Variants in BMP2K observed in about 807,000 individuals in gnomAD.
The protein encoded by BMP2K is BMP2 inducible kinase, also known as BMP-2-inducible protein kinase.
BMP2K carries 74 observed loss-of-function variants against 116.0 expected under a neutral mutation model. The observed-to-expected ratio is 0.64, with a 90% CI of 0.53 to 0.77. The LOEUF is 0.77. Ranked by LOEUF, BMP2K falls within the 30% of genes least tolerant of loss-of-function variation. The pLI is 0.00. For synonymous variants in BMP2K, 486 were observed against 502.5 expected (o/e 0.97, Z 0.44); for missense variants, 1,365 against 1,403.6 (o/e 0.97, Z 0.44).
chr4:78,906,388 A>G (rs1016226543), intron 15 of BMP2K, among the ~76,000 whole-genome samples: 3 of 152,152 alleles, frequency 2.0e-5, no homozygotes, highest in Admixed American at 1.3e-4. Flanking sequence ...AAACCAGTCT[A>G]TCTACACCAA....
In BMP2K at chr4:78,861,803, G is replaced by A. The variant is rs142681038; in HGVS notation, c.1067+335G>A. On this transcript the variant is annotated intron_variant, in intron 9 of 15. Coordinates refer to ENST00000502613, the MANE Select transcript of BMP2K (RefSeq NM_198892.2). ...AATACTATGTTTTGAGTTTATAGAT[G>A]TTTATTTTTTTAATTTAAGGAAAGA... 6.2e-3 allele frequency among the ~76,000 whole-genome samples: 942 copies of A among 151,804 alleles called. 12 individuals carry two copies. Among genetic ancestry groups the A allele is most frequent in the African/African-American group, 0.022 (895 of 41,454 alleles).
Position 78,911,735 on chromosome 4 carries a change from A to G in BMP2K, c.3188A>G (p.Glu1063Gly). 6.2e-7 allele frequency: 1 copy of G among 1,613,972 alleles called. No homozygotes were observed. The highest frequency in any genetic ancestry group is 8.5e-7 in the Non-Finnish European group (1 of 1,179,886). ...AGGGGGAATGTCTTACAACCTGAGG[A>G]GAGCCTGTTGGACCCCTTCGGTGCC... is the stretch of plus-strand genomic sequence containing the variant. Reference protein sequence around the residue: ...KDRGNVLQPEESLLDPFGAKP... With the variant: ...KDRGNVLQPEGSLLDPFGAKP... The change falls in exon 16 of 16, where the codon GAG becomes GGG. Residue 1063 changes from glutamate to glycine, a missense_variant. By Grantham distance (98) the Glu-to-Gly change is moderately conservative. Coordinates refer to ENST00000502613, the MANE Select transcript of BMP2K (RefSeq NM_198892.2).
chr4:78,898,500 G>T (rs1188062924), intron 15 of BMP2K, among the ~76,000 whole-genome samples: 1 of 151,264 alleles, frequency 6.6e-6, no homozygotes, highest in East Asian at 2.0e-4. Flanking sequence ...GAGGTAATAG[G>T]TAGAAATGGA....
At chr4:78,800,923 C>A (rs1728539559) in intron 1 of BMP2K, among the ~76,000 whole-genome samples, 2 of 151,974 alleles carry the variant, frequency 1.3e-5, no homozygotes, top group South Asian at 4.1e-4. Context: ...TTTAATAGAC[C>A]TTTCCTTTCA....
chr4:78,863,909 T>C (rs1301111274), intron 9 of BMP2K, among the ~76,000 whole-genome samples: 1 of 152,190 alleles, frequency 6.6e-6, no homozygotes, highest in Admixed American at 6.6e-5. Flanking sequence ...TACATCTCCA[T>C]AAATTCTTGA....
chr4:78,834,905 T>C (rs1450035830), intron 3 of BMP2K, among the ~76,000 whole-genome samples: 1 of 152,210 alleles, frequency 6.6e-6, no homozygotes, highest in African/African-American at 2.4e-5. Flanking sequence ...TGTTTCTTGA[T>C]TTTTCTTTAT....
chr4:78,880,828 T>C (rs1188335686), intron 14 of BMP2K, among the ~76,000 whole-genome samples: 2 of 152,218 alleles, frequency 1.3e-5, no homozygotes, highest in Admixed American at 6.5e-5. Context: ...CACATGTGTA[T>C]GCCAAAGAGA....
intron 2 of BMP2K, 85 bp from the exon 3 acceptor site, chr4:78,833,497 T>C: frequency 1.1e-6 from 1 of 876,474 alleles, no homozygotes; most frequent in South Asian, 1.7e-5. Context: ...TGAAATTCTT[T>C]ACATTAATTT....
Position 78,888,862 on chromosome 4 carries a change from A to G in BMP2K, c.2062+1578A>G, listed in dbSNP as rs147684733. On this transcript the variant is annotated intron_variant, in intron 15 of 15. Coordinates refer to ENST00000502613, the MANE Select transcript of BMP2K (RefSeq NM_198892.2). ...CTAATACTGTTCATTGAATGTGCAG[A>G]AAAAAATCATGACTATCTATAAAAA... is the stretch of plus-strand genomic sequence containing the variant. 1.7e-4 allele frequency among the ~76,000 whole-genome samples: 26 copies of G among 152,318 alleles called. No homozygotes were observed. In the East Asian group the frequency reaches 4.6e-3, roughly 27 times the overall value.
chr4:78,871,197 TGAAA>T, intron 11 of BMP2K, 137 bp downstream of exon 11: 1 of 1,438,782 alleles, frequency 7.0e-7, no homozygotes, highest in Admixed American at 2.1e-5. Flanking sequence ...TTTCTAATTA[TGAAA>T]GAATACGTAT....
chr4:78,886,731 T>C (rs764653656), intron 14 of BMP2K, among the ~76,000 whole-genome samples: 9 of 152,182 alleles, frequency 5.9e-5, no homozygotes, highest in Non-Finnish European at 1.0e-4. Flanking sequence ...AAAAGTAAGA[T>C]ATAGTGAATT....
At chr4:78,824,951 C>T (rs750566801) in intron 1 of BMP2K, among the ~76,000 whole-genome samples, 31 of 152,136 alleles carry the variant, frequency 2.0e-4, no homozygotes, top group Non-Finnish European at 4.1e-4. Context: ...CCTGTAATCC[C>T]AGCACTTTGG....
At chr4:78,777,477 A>C (rs1298915489) in intron 1 of BMP2K, among the ~76,000 whole-genome samples, 1 of 152,198 alleles carries the variant, frequency 6.6e-6, no homozygotes, top group Non-Finnish European at 1.5e-5. Context: ...GTAGAAGTCT[A>C]CTTACAAAAA....
chr4:78,776,771 T>TGTG (rs551731547), intron 1 of BMP2K, 50 bp downstream of exon 1: 17,695 of 1,222,102 alleles, frequency 0.014, 151 homozygotes, highest in South Asian at 0.017. Flanking sequence ...AGGGTTGGGG[T>TGTG]GTGGCGGCGG....
At chr4:78,895,438 T>C (rs1339264408) in intron 15 of BMP2K, among the ~76,000 whole-genome samples, 1 of 152,124 alleles carries the variant, frequency 6.6e-6, no homozygotes, top group African/African-American at 2.4e-5. Context: ...TTTCAAAAAG[T>C]GTTTTGATTA....
intron 10 of BMP2K, among the ~76,000 whole-genome samples, chr4:78,868,695 T>C (rs537909523): frequency 1.3e-5 from 2 of 152,170 alleles, no homozygotes; most frequent in Admixed American, 1.3e-4. Context: ...TGGGAGAAAT[T>C]GGCCAAAACA....
At chr4:78,877,059 A>C (rs1396291556) in intron 13 of BMP2K, among the ~76,000 whole-genome samples, 6 of 152,182 alleles carry the variant, frequency 3.9e-5, no homozygotes, top group South Asian at 2.1e-4. Flanking sequence ...AAAATGGTAC[A>C]TCTGTATAGG....
intron 1 of BMP2K, among the ~76,000 whole-genome samples, chr4:78,804,061 C>G (rs937580607): frequency 6.6e-6 from 1 of 152,158 alleles, no homozygotes; most frequent in Non-Finnish European, 1.5e-5. Flanking sequence ...ACCACTAATT[C>G]TAGAACATTT....
rs577836282 is a variant in BMP2K, at chr4:78,825,828, C to T, written c.179-209C>T. On this transcript the variant is annotated intron_variant, in intron 1 of 15. Transcript: ENST00000502613. ...CCTTTAAGAGAGAAGCGTCTTCATT[C>T]GAGAAGCATATTTTCCTCTAAGTAC... Among the ~76,000 whole-genome samples, 14 of 152,296 alleles carry T rather than the reference C, an allele frequency of 9.2e-5. No individual in the cohort carries two copies. The East Asian group carries it at 2.3e-3, about 25-fold the overall frequency.
Sources: gnomAD v4.1 joint callset for allele counts (sites outside exome capture counted in the v4.1 genomes callset) on GRCh38, gnomAD v4.1.1 for gene constraint, MANE v1.5 for transcripts, NCBI Gene and HGNC (gene_info 2026-07-23, HGNC 2026-07-21) for gene names.